PTER: variants seen among roughly 807,000 people sequenced by gnomAD.
PTER encodes N-acetyltaurine hydrolase.
PTER carries 38 observed loss-of-function variants against 29.6 expected under a neutral mutation model. That is an observed-to-expected ratio of 1.28 (90% CI 0.99 to 1.68). PTER has a LOEUF of 1.68. Ranked by LOEUF, PTER falls within the 40% of genes most tolerant of loss-of-function variation. PTER has a pLI of 0.00. For synonymous variants in PTER, 172 were observed against 154.5 expected, an observed-to-expected ratio of 1.11 and a Z score of -0.84; for missense variants, 482 against 427.8, an observed-to-expected ratio of 1.13 and a Z score of -1.12.
intron 1 of PTER, among the ~76,000 whole-genome samples, chr10:16,452,220 CAT>C (rs1004398176): frequency 2.1e-5 from 3 of 144,944 alleles, no homozygotes; most frequent in Non-Finnish European, 3.0e-5. Context: ...CACACACACA[CAT>C]ATATATACAT....
chr10:16,490,092 C>G (rs1835842925), intron 3 of PTER, among the ~76,000 whole-genome samples: 1 of 152,180 alleles, frequency 6.6e-6, no homozygotes, highest in Non-Finnish European at 1.5e-5. Flanking sequence ...CTGAACACTA[C>G]AGCTTAACGT....
downstream of PTER, chr10:16,514,852 G>A: frequency 3.1e-6 from 2 of 637,374 alleles, no homozygotes; most frequent in Admixed American, 3.0e-5. Context: ...AGAGCTTTAT[G>A]AGGATAGTGC....
downstream of PTER, chr10:16,514,299 G>A (rs1836913977): frequency 5.3e-6 from 3 of 567,580 alleles, no homozygotes; most frequent in Admixed American, 3.3e-5. Context: ...TAACGATAAG[G>A]AGTATTTGCT....
In PTER at chr10:16,513,336, CT is replaced by C. The variant is rs1588638989; in HGVS notation, c.*2086del. 6.6e-6 allele frequency: 1 copy of C among 152,366 alleles called. No individual in the cohort carries two copies. Among genetic ancestry groups the C allele is most frequent in the African/African-American group, 2.4e-5 (1 of 41,362 alleles). The allele number at this position is 152,366 out of a possible 1,614,324, so 9.4% of individuals were successfully genotyped here. A position where few individuals can be genotyped will look rare whatever the true frequency, so the allele number is the denominator to read the frequency against. ...GTTTGTGTGTGTATATATGCATACA[CT>C]TTTTTATATTAAAATTTTGAGGCTA... On this transcript the variant is annotated 3_prime_UTR_variant, in exon 5 of 5. Coordinates refer to ENST00000535784, the MANE Select transcript of PTER (RefSeq NM_001261836.2).
chr10:16,448,098 C>T (rs1037354731), intron 1 of PTER, among the ~76,000 whole-genome samples: 3 of 152,158 alleles, frequency 2.0e-5, no homozygotes, highest in Admixed American at 6.5e-5. Context: ...TCTACCAAAG[C>T]CCAGTAACTG....
At chr10:16,514,697 C>G, downstream of PTER, 1 of 1,611,520 alleles carries the variant, frequency 6.2e-7, no homozygotes, top group Non-Finnish European at 8.5e-7. Context: ...GGCAATTGCA[C>G]TAGCACGCAC....
chr10:16,441,170 A>T lies in PTER; in HGVS notation c.-49+4123A>T, dbSNP rs144909077. Among the ~76,000 whole-genome samples the T allele has an allele frequency of 2.5e-3, 379 of 152,372 alleles. 3 individuals are homozygous for T. The highest frequency in any genetic ancestry group is 8.6e-3 in the African/African-American group (356 of 41,592). ...TGTATGCCTGGAAGGGATAAGAATC[A>T]AGGCTTTCATTTTTACTTTGAAAAA... On this transcript the variant is annotated intron_variant, in intron 1 of 4. Coordinates refer to ENST00000535784, the MANE Select transcript of PTER (RefSeq NM_001261836.2).
intron 1 of PTER, among the ~76,000 whole-genome samples, chr10:16,449,123 T>A (rs1834113541): frequency 6.6e-6 from 1 of 152,234 alleles, no homozygotes; most frequent in African/African-American, 2.4e-5. Flanking sequence ...CACTAATCTC[T>A]GCAGTCCCTC....
chr10:16,455,686 C>G (rs1834370079), intron 1 of PTER, among the ~76,000 whole-genome samples: 1 of 152,010 alleles, frequency 6.6e-6, no homozygotes, highest in Non-Finnish European at 1.5e-5. Context: ...GCGAGACCCT[C>G]TCAAAAAATA....
At chr10:16,506,014 G>A (rs1464548483) in intron 4 of PTER, among the ~76,000 whole-genome samples, 1 of 147,680 alleles carries the variant, frequency 6.8e-6, no homozygotes, top group Non-Finnish European at 1.5e-5. Context: ...AAAGGTCGAG[G>A]AGAAGTTTTC....
chr10:16,446,461 TC>T (rs1160152620), intron 1 of PTER, among the ~76,000 whole-genome samples: 1 of 152,070 alleles, frequency 6.6e-6, no homozygotes, highest in Non-Finnish European at 1.5e-5. Flanking sequence ...TGATGATCAT[TC>T]CTCTCAAGTG....
At chr10:16,515,202 C>A (rs1836931037), downstream of PTER, among the ~76,000 whole-genome samples, 1 of 148,304 alleles carries the variant, frequency 6.7e-6, no homozygotes, top group African/African-American at 2.5e-5. Flanking sequence ...AGGAAAATAC[C>A]AACTCCTCTA....
At chr10:16,477,258 C>A (rs868558789) in intron 1 of PTER, among the ~76,000 whole-genome samples, 8 of 147,908 alleles carry the variant, frequency 5.4e-5, no homozygotes, top group Admixed American at 1.4e-4. Context: ...TTCTGTCTTT[C>A]GATAGATAGA....
intron 1 of PTER, among the ~76,000 whole-genome samples, chr10:16,480,061 A>G (rs1835420072): frequency 7.0e-6 from 1 of 142,384 alleles, no homozygotes; most frequent in African/African-American, 2.6e-5. Flanking sequence ...CATTTGCACC[A>G]ACCTAATACT....
intron 1 of PTER, among the ~76,000 whole-genome samples, chr10:16,452,160 T>C (rs1205404847): frequency 4.0e-5 from 6 of 150,270 alleles, no homozygotes; most frequent in Admixed American, 1.3e-4. Context: ...AATGCCCATA[T>C]ATCACCTAAA....
At chr10:16,443,312 C>A (rs1319189063) in intron 1 of PTER, among the ~76,000 whole-genome samples, 1 of 152,166 alleles carries the variant, frequency 6.6e-6, no homozygotes, top group Non-Finnish European at 1.5e-5. Flanking sequence ...CTAACAACCC[C>A]CTTTTAACTT....
At chr10:16,495,743 T>C (rs1836070737) in intron 3 of PTER, among the ~76,000 whole-genome samples, 1 of 152,150 alleles carries the variant, frequency 6.6e-6, no homozygotes, top group Non-Finnish European at 1.5e-5. Context: ...GTCAAATGGC[T>C]GAGGAGTTAC....
At chr10:16,463,222 A>AAG (rs1348756610) in intron 1 of PTER, among the ~76,000 whole-genome samples, 1 of 150,398 alleles carries the variant, frequency 6.6e-6, no homozygotes, top group Non-Finnish European at 1.5e-5. Context: ...AAAAAAAAAA[A>AAG]TACTGTTTCT....
At chr10:16,483,923 C>G (rs981307236) in intron 1 of PTER, among the ~76,000 whole-genome samples, 8 of 152,062 alleles carry the variant, frequency 5.3e-5, no homozygotes, top group African/African-American at 1.9e-4. Context: ...ACAAATGAAA[C>G]AGTACTGATA....
Sources: allele counts gnomAD v4.1 joint callset (sites outside exome capture counted in the v4.1 genomes callset), GRCh38; gene constraint gnomAD v4.1.1; transcripts MANE v1.5; gene names NCBI Gene and HGNC (gene_info 2026-07-23, HGNC 2026-07-21).